ANK1: variants seen among roughly 807,000 people sequenced by gnomAD.
ANK1 encodes ankyrin-1.
In ANK1, 51 loss-of-function variants were observed where a neutral mutation model predicts 210.4. The ratio of observed to expected loss-of-function variants is 0.24; its 90% confidence interval spans 0.19 to 0.31. The LOEUF (loss-of-function observed/expected upper bound fraction) is 0.31, where lower values mean the gene tolerates loss of function less well. ANK1 is among the 10% of genes least tolerant of loss of function. ANK1 has a pLI of 1.00. For missense variants in ANK1, 2,051 were observed against 2,504.4 expected (o/e 0.82, Z 3.86); for synonymous variants, 967 against 1,025.9 (o/e 0.94, Z 1.10).
chr8:41,791,915 C>CT (rs1847816512), intron 1 of ANK1, among the ~76,000 whole-genome samples: 1 of 52,836 alleles, frequency 1.9e-5, no homozygotes, highest in Non-Finnish European at 3.9e-5. Context: ...GAGAGAAGGG[C>CT]TGGGGTCAGA....
chr8:41,761,301 A>G (rs1359706089), intron 1 of ANK1, among the ~76,000 whole-genome samples: 1 of 151,960 alleles, frequency 6.6e-6, no homozygotes, highest in Non-Finnish European at 1.5e-5. Flanking sequence ...AGATGCATAC[A>G]CACACACGCA....
At chr8:41,706,110 C>T in intron 18 of ANK1, 33 bp downstream of exon 18, 10 of 1,595,230 alleles carry the variant, frequency 6.3e-6, no homozygotes, top group Non-Finnish European at 8.6e-6. Context: ...GCAAGGAGTC[C>T]ACACAGACTG....
At chr8:41,713,761 C>G (rs1350053126) in intron 16 of ANK1, among the ~76,000 whole-genome samples, 1 of 152,238 alleles carries the variant, frequency 6.6e-6, no homozygotes, top group Non-Finnish European at 1.5e-5. Context: ...CCAGGCCACA[C>G]TGCACAGTCC....
chr8:41,812,266 C>T (rs766612810), intron 1 of ANK1, among the ~76,000 whole-genome samples: 1 of 152,144 alleles, frequency 6.6e-6, no homozygotes, highest in Non-Finnish European at 1.5e-5. Flanking sequence ...ATTAAGTTGA[C>T]ATAATACAGA....
In ANK1 at chr8:41,696,345, C is replaced by T. The variant is rs756049365; in HGVS notation, c.2960+18G>A. 6.2e-7 allele frequency: 1 copy of T among 1,612,314 alleles called. No individual in the cohort carries two copies. On this transcript the variant is annotated intron_variant, in intron 26 of 42. Transcript: ENST00000289734. ...GCACAGGGACAGGGGAGAACACGGG[C>T]TGCCCGCGCAAGCTCACCTCAGGAA... is the stretch of plus-strand genomic sequence containing the variant.
At chr8:41,874,330 A>T (rs1469160797) in intron 1 of ANK1, among the ~76,000 whole-genome samples, 1 of 152,220 alleles carries the variant, frequency 6.6e-6, no homozygotes, top group African/African-American at 2.4e-5. Context: ...TTCAGATCTT[A>T]TATTTTTTTC....
chr8:41,886,757 T>C (rs1268136832), intron 1 of ANK1, among the ~76,000 whole-genome samples: 1 of 151,180 alleles, frequency 6.6e-6, no homozygotes, highest in African/African-American at 2.4e-5. Context: ...AGCTAGGGAG[T>C]AGATTCAGGG....
chr8:41,707,353 G>C (rs546117771), intron 17 of ANK1, among the ~76,000 whole-genome samples: 2 of 152,312 alleles, frequency 1.3e-5, no homozygotes, highest in African/African-American at 4.8e-5. Context: ...CAACAAAACG[G>C]ATTTCTCTGC....
chr8:41,747,582 C>T (rs1011028981), intron 2 of ANK1, among the ~76,000 whole-genome samples: 7 of 152,120 alleles, frequency 4.6e-5, no homozygotes, highest in African/African-American at 1.2e-4. Flanking sequence ...TAGCATGGAG[C>T]CTGGTGCATA....
rs534680895 is a variant in ANK1, at chr8:41,708,850, G to A, written c.1926C>T (p.Ala642=). 157 of 1,613,926 alleles carry A rather than the reference G, an allele frequency of 9.7e-5. No individual in the cohort carries two copies. In the Middle Eastern group the frequency reaches 2.3e-3, roughly 24 times the overall value. The change falls in exon 17 of 43, where the codon GCC becomes GCT. Residue 642 remains alanine (A), a synonymous_variant. Transcript: ENST00000289734. ...SVQGVTPLHL[A]AQEGHAEMVA... is the part of the protein sequence containing the mutation. ...CCATCTCTGCGTGGCCCTCCTGGGC[G>A]GCCAGGTGAAGGGGCGTCACACCTT... is the stretch of plus-strand genomic sequence containing the variant.
chr8:41,794,119 G>C (rs1356031841), intron 1 of ANK1, among the ~76,000 whole-genome samples: 1 of 152,214 alleles, frequency 6.6e-6, no homozygotes, highest in East Asian at 1.9e-4. Context: ...CATAGGTATA[G>C]GCAGAAGTCA....
In ANK1 at chr8:41,655,453, T is replaced by C; in HGVS notation, c.*337A>G. On this transcript the variant is annotated 3_prime_UTR_variant, in exon 43 of 43. Coordinates refer to ENST00000289734, the MANE Select transcript of ANK1 (RefSeq NM_000037.4). ...AGCCACAAAAAGCCCTCATTCACTT[T>C]TGCGTTCGCAGGCTCTCCTGCGCTT... The C allele has an allele frequency of 2.4e-6, 1 of 417,946 alleles. No individual in the cohort carries two copies. The highest frequency in any genetic ancestry group is 3.9e-5 in the Admixed American group (1 of 25,818). The allele number at this position is 417,946 out of a possible 1,614,324, so 25.9% of individuals were successfully genotyped here.
chr8:41,656,744 T>A (rs1490479666), intron 42 of ANK1, among the ~76,000 whole-genome samples: 3 of 152,118 alleles, frequency 2.0e-5, no homozygotes, highest in Non-Finnish European at 2.9e-5. Context: ...TCCCCAGACA[T>A]AGAGCTGTTT....
intron 20 of ANK1, 90 bp from the exon 21 acceptor site, chr8:41,702,234 C>G: frequency 2.7e-6 from 3 of 1,119,466 alleles, no homozygotes; most frequent in Non-Finnish European, 4.0e-6. Context: ...AGTTCACCTT[C>G]TAGTTGTTCA....
At chr8:41,870,863 C>T (rs920415034) in intron 1 of ANK1, among the ~76,000 whole-genome samples, 1 of 152,138 alleles carries the variant, frequency 6.6e-6, no homozygotes, top group South Asian at 2.1e-4. Flanking sequence ...GGTCATGGGT[C>T]GGAGCCTCTG....
intron 1 of ANK1, among the ~76,000 whole-genome samples, chr8:41,838,501 C>T (rs916510483): frequency 5.3e-5 from 8 of 152,220 alleles, no homozygotes; most frequent in South Asian, 2.1e-4. Flanking sequence ...CATGGTGGCT[C>T]ACGTCTGTAA....
chr8:41,690,280 C>G lies in ANK1; in HGVS notation c.4051G>C (p.Asp1351His). Residue 1351 changes from aspartate (D) to histidine (H), a missense_variant, in exon 33 of 43, where the codon GAC becomes CAC. Asp to His is a moderately conservative substitution (Grantham distance 81). This residue lies in a region of ANK1 where 1,413 missense variants were observed against 1,707.4 expected (regional missense o/e 0.83). Transcript: ENST00000289734. ...AGGTGGCAGAGAATGTGCTGGGTGT[C>G]CTCGTACTTCATCGCCTTGCGCAGA... ...SFLRKAMKYE[D>H]TQHILCHLNI... is the part of the protein sequence containing the mutation. The G allele has an allele frequency of 6.2e-7, 1 of 1,614,246 alleles. No homozygotes were observed. Among genetic ancestry groups the G allele is most frequent in the Non-Finnish European group, 8.5e-7 (1 of 1,180,042 alleles).
In ANK1 at chr8:41,702,409, C is replaced by T. The variant is rs79954465; in HGVS notation, c.2296-265G>A. The stretch of plus-strand genomic sequence containing the variant: ...GCGTCAAGTGTGGGGCCTTGCAACC[C>T]AGCAGAGGAAATCTCCCAAGGAGAA... On this transcript the variant is annotated intron_variant, in intron 20 of 42. Coordinates refer to ENST00000289734, the MANE Select transcript of ANK1 (RefSeq NM_000037.4). Among the ~76,000 whole-genome samples the T allele has an allele frequency of 0.036, 5,441 of 152,140 alleles. 177 individuals carry two copies. The highest frequency in any genetic ancestry group is 0.089 in the African/African-American group (3,706 of 41,472).
intron 7 of ANK1, among the ~76,000 whole-genome samples, 156 bp from the exon 8 acceptor site, chr8:41,723,789 T>A (rs1468655780): frequency 1.3e-4 from 19 of 149,982 alleles, no homozygotes; most frequent in African/African-American, 3.9e-4. Flanking sequence ...TTTTTTATTT[T>A]TTATTTTTTT....
Sources: allele counts gnomAD v4.1 joint callset (sites outside exome capture counted in the v4.1 genomes callset), GRCh38; gene constraint gnomAD v4.1.1; regional missense constraint gnomAD v4.1.1; transcripts MANE v1.5; gene names NCBI Gene and HGNC (gene_info 2026-07-23, HGNC 2026-07-21).